Variants in PLD5 observed in about 807,000 individuals in gnomAD.
PLD5 encodes inactive phospholipase D5.
In PLD5, 36 loss-of-function variants were observed where a neutral mutation model predicts 61.1. The observed-to-expected ratio is 0.59, with a 90% CI of 0.45 to 0.78. The LOEUF is 0.78. Ranked by LOEUF, PLD5 falls within the 30% of genes least tolerant of loss-of-function variation. The pLI is 0.00. For synonymous variants in PLD5, 243 were observed against 242.8 expected (o/e 1.00, Z -0.01); for missense variants, 515 against 644.4 (o/e 0.80, Z 2.17).
rs1195284195 is a variant in PLD5 at position 242,224,354 on chromosome 1, T to A, written c.608-4239A>T. ...CTTCTAAAATAATTTTAGGCCTTTT[T>A]TTTACAATGTCACATATTTTTTAAA... On this transcript the variant is annotated intron_variant, in intron 4 of 9. Coordinates refer to ENST00000536534, the MANE Select transcript of PLD5 (RefSeq NM_001372062.1). Among the ~76,000 whole-genome samples the A allele has an allele frequency of 2.6e-5, 4 of 152,178 alleles. No homozygotes were observed. The East Asian group carries it at 5.8e-4, about 22-fold the overall frequency.
At chr1:242,457,227 G>A (rs1295950958) in intron 1 of PLD5, among the ~76,000 whole-genome samples, 1 of 152,084 alleles carries the variant, frequency 6.6e-6, no homozygotes, top group African/African-American at 2.4e-5. Flanking sequence ...ACATATTACT[G>A]GTATTCCTTA....
At chr1:242,114,751 C>CTG (rs1558236002) in intron 6 of PLD5, among the ~76,000 whole-genome samples, 1 of 152,160 alleles carries the variant, frequency 6.6e-6, no homozygotes. Flanking sequence ...GCCTGATGAT[C>CTG]TGTCACTGTC....
upstream of PLD5, among the ~76,000 whole-genome samples, chr1:242,528,745 C>T (rs2103018896): frequency 6.6e-6 from 1 of 152,252 alleles, no homozygotes; most frequent in African/African-American, 2.4e-5. Flanking sequence ...TGCCCAAAGC[C>T]ATGTAAGTCA....
intron 1 of PLD5, chr1:242,377,383 C>T: frequency 6.8e-7 from 1 of 1,469,252 alleles, no homozygotes; most frequent in Non-Finnish European, 9.5e-7. Flanking sequence ...AACTCCAAAA[C>T]TGGTTCTTCT....
At chr1:242,452,667 T>A (rs980629822) in intron 1 of PLD5, among the ~76,000 whole-genome samples, 4 of 151,838 alleles carry the variant, frequency 2.6e-5, no homozygotes, top group African/African-American at 9.7e-5. Context: ...AATAAAAAAA[T>A]TAGCTTTGTG....
chr1:242,325,606 T>A (rs1001128826), intron 2 of PLD5, among the ~76,000 whole-genome samples: 4 of 151,260 alleles, frequency 2.6e-5, no homozygotes, highest in African/African-American at 9.7e-5. Flanking sequence ...CAAGTTGTTG[T>A]TTTTTTTTAA....
intron 5 of PLD5, among the ~76,000 whole-genome samples, chr1:242,137,341 AC>A (rs1474325393): frequency 6.6e-6 from 1 of 152,200 alleles, no homozygotes; most frequent in Admixed American, 6.5e-5. Context: ...TGGCCTGCCC[AC>A]TGCTTCCTTG....
At position 242,487,877 on chromosome 1, in the gene PLD5, A is replaced by G. The variant is rs566853299; in HGVS notation, c.189+36211T>C. On this transcript the variant is annotated intron_variant, in intron 1 of 9. Transcript: ENST00000536534. The stretch of plus-strand genomic sequence containing the variant: ...GTATATCATTTTGTAGGTTGTTTTT[A>G]TGTGTATAATTTATATGTATATATT... Among the ~76,000 whole-genome samples, 17 of 152,266 alleles carry G rather than the reference A, an allele frequency of 1.1e-4. No individual in the cohort carries two copies. In the East Asian group the frequency reaches 3.3e-3, roughly 29 times the overall value.
intron 5 of PLD5, among the ~76,000 whole-genome samples, chr1:242,143,774 G>A (rs1221489446): frequency 6.6e-6 from 1 of 152,024 alleles, no homozygotes; most frequent in Non-Finnish European, 1.5e-5. Context: ...AGAGGGGGCT[G>A]ATACTGAACC....
At chr1:242,179,526 G>A (rs316872) in intron 5 of PLD5, among the ~76,000 whole-genome samples, 1,779 of 152,266 alleles carry the variant, frequency 0.012, 44 homozygotes, top group East Asian at 0.06. Context: ...TGTTACCCTT[G>A]TCTTCTTTGG....
intron 5 of PLD5, among the ~76,000 whole-genome samples, chr1:242,161,944 G>A (rs567934157): frequency 6.6e-6 from 1 of 152,146 alleles, no homozygotes; most frequent in African/African-American, 2.4e-5. Flanking sequence ...GGACATCTCG[G>A]AACAACAGAC....
intron 5 of PLD5, among the ~76,000 whole-genome samples, chr1:242,179,823 A>T (rs1172772836): frequency 6.6e-6 from 1 of 152,148 alleles, no homozygotes; most frequent in African/African-American, 2.4e-5. Context: ...GAATTGCTTG[A>T]AGCCAGGAGG....
At chr1:242,502,365 C>A (rs572172622) in intron 1 of PLD5, among the ~76,000 whole-genome samples, 1 of 152,144 alleles carries the variant, frequency 6.6e-6, no homozygotes. Flanking sequence ...TAGCCAAGCA[C>A]GCATACTGCC....
intron 2 of PLD5, among the ~76,000 whole-genome samples, chr1:242,333,373 T>C (rs1659307763): frequency 6.6e-6 from 1 of 152,122 alleles, no homozygotes; most frequent in South Asian, 2.1e-4. Context: ...TTTTTTCTTT[T>C]TTTGAGGAGT....
At chr1:242,422,444 A>G (rs1316928610) in intron 1 of PLD5, among the ~76,000 whole-genome samples, 2 of 152,252 alleles carry the variant, frequency 1.3e-5, no homozygotes, top group South Asian at 4.1e-4. Flanking sequence ...GCCAACTATA[A>G]TAAATTTCCT....
chr1:242,525,255 G>A (rs1023118264), upstream of PLD5, among the ~76,000 whole-genome samples: 6 of 135,630 alleles, frequency 4.4e-5, no homozygotes, highest in Non-Finnish European at 9.6e-5. Flanking sequence ...TAGCCCCTCG[G>A]GCAGGCACGC....
chr1:242,440,046 A>G (rs187488159), intron 1 of PLD5, among the ~76,000 whole-genome samples: 38 of 152,324 alleles, frequency 2.5e-4, no homozygotes, highest in African/African-American at 8.9e-4. Flanking sequence ...ATCACCATAC[A>G]TAATAATTGG....
intron 1 of PLD5, among the ~76,000 whole-genome samples, chr1:242,391,879 AC>A (rs908731118): frequency 1.3e-5 from 2 of 152,174 alleles, no homozygotes; most frequent in African/African-American, 4.8e-5. Flanking sequence ...AAACAGAACC[AC>A]CATTTGACTC....
intron 1 of PLD5, among the ~76,000 whole-genome samples, chr1:242,409,456 CA>C (rs75430640): frequency 0.072 from 10,913 of 152,084 alleles, 543 homozygotes; most frequent in Admixed American, 0.15. Context: ...TTGGTGCAAG[CA>C]GAAGCTGAAA....
Sources: gnomAD v4.1 joint callset for allele counts (sites outside exome capture counted in the v4.1 genomes callset) on GRCh38, gnomAD v4.1.1 for gene constraint, MANE v1.5 for transcripts, NCBI Gene and HGNC (gene_info 2026-07-23, HGNC 2026-07-21) for gene names.